The following COL24A1 variants were observed in gnomAD, a reference collection of about 807,000 sequenced individuals.
The protein encoded by COL24A1 is collagen type XXIV alpha 1 chain, also known as collagen alpha-1(XXIV) chain.
In COL24A1, 224 loss-of-function variants were observed where a neutral mutation model predicts 253.9. That is an observed-to-expected ratio of 0.88 (90% CI 0.79 to 0.99). The LOEUF (loss-of-function observed/expected upper bound fraction) is 0.99. Among genes scored for constraint, COL24A1 ranks in the 50% least tolerant of loss-of-function variants. The pLI, the probability that COL24A1 is intolerant of heterozygous loss-of-function variation, is 0.00. For synonymous variants in COL24A1, 685 were observed against 673.7 expected (o/e 1.02, Z -0.26); for missense variants, 2,131 against 2,068.5 (o/e 1.03, Z -0.59).
chr1:86,101,243 A>G (rs1253996813), intron 5 of COL24A1, among the ~76,000 whole-genome samples: 2 of 152,236 alleles, frequency 1.3e-5, no homozygotes, highest in East Asian at 1.9e-4. Context: ...AAGATGATCA[A>G]TGACTTTGTT....
chr1:85,852,102 T>TTG (rs1457066851), intron 37 of COL24A1, among the ~76,000 whole-genome samples: 1 of 152,112 alleles, frequency 6.6e-6, no homozygotes, highest in Non-Finnish European at 1.5e-5. Context: ...GGGTGTGTGT[T>TTG]TGTGTGTGTG....
chr1:85,988,205 A>C (rs577572956), intron 19 of COL24A1, among the ~76,000 whole-genome samples: 2 of 151,918 alleles, frequency 1.3e-5, no homozygotes, highest in Non-Finnish European at 2.9e-5. Context: ...TTAATTGTCT[A>C]TAAATACTTA....
intron 3 of COL24A1, among the ~76,000 whole-genome samples, chr1:86,115,626 T>C (rs1473986786): frequency 1.3e-5 from 2 of 152,232 alleles, no homozygotes; most frequent in Non-Finnish European, 2.9e-5. Flanking sequence ...CCACCGTATC[T>C]GGTTTTTAAA....
intron 45 of COL24A1, among the ~76,000 whole-genome samples, chr1:85,819,101 T>C (rs6698633): frequency 0.33 from 50,517 of 152,066 alleles, 9,665 homozygotes; most frequent in Non-Finnish European, 0.44. Flanking sequence ...TCATGGGTTG[T>C]ACTTCCAACT....
intron 28 of COL24A1, among the ~76,000 whole-genome samples, chr1:85,898,593 G>A (rs1019798286): frequency 7.9e-5 from 12 of 152,202 alleles, no homozygotes; most frequent in African/African-American, 2.9e-4. Flanking sequence ...AGATCAAGTT[G>A]AGGAGCATGG....
chr1:85,820,141 C>A (rs987066163), intron 45 of COL24A1, among the ~76,000 whole-genome samples: 2 of 152,248 alleles, frequency 1.3e-5, no homozygotes, highest in East Asian at 1.9e-4. Context: ...AGCCACCATG[C>A]CTGGCCTGCC....
At chr1:86,006,930 G>T (rs1394350825) in intron 19 of COL24A1, among the ~76,000 whole-genome samples, 1 of 152,076 alleles carries the variant, frequency 6.6e-6, no homozygotes, top group East Asian at 1.9e-4. Context: ...CAACAATGTG[G>T]GCTGGTTCTG....
At chr1:85,934,873 G>A (rs1688118788) in intron 24 of COL24A1, among the ~76,000 whole-genome samples, 1 of 151,900 alleles carries the variant, frequency 6.6e-6, no homozygotes. Context: ...CTGAGCCATA[G>A]CCAGAATTAT....
At chr1:85,837,247 T>G (rs1390952891) in intron 43 of COL24A1, among the ~76,000 whole-genome samples, 2 of 152,196 alleles carry the variant, frequency 1.3e-5, no homozygotes, top group Non-Finnish European at 2.9e-5. Flanking sequence ...GCTAAAAATG[T>G]TTCTTTGAAA....
At chr1:85,889,650 T>C (rs775173070) in intron 31 of COL24A1, 37 bp from the exon 32 acceptor site, 3 of 1,575,278 alleles carry the variant, frequency 1.9e-6, no homozygotes, top group Non-Finnish European at 2.6e-6. Context: ...GGAAAAGTGG[T>C]GTGTGAAGAT....
chr1:85,914,582 G>C (rs541338686), intron 24 of COL24A1, among the ~76,000 whole-genome samples: 73 of 151,846 alleles, frequency 4.8e-4, no homozygotes, highest in African/African-American at 1.7e-3. Context: ...GTAGAGACAG[G>C]GTTTCACCAT....
At chr1:85,781,296 G>T in intron 51 of COL24A1, 23 bp from the exon 52 acceptor site, 1 of 1,546,838 alleles carries the variant, frequency 6.5e-7, no homozygotes. Flanking sequence ...AAGAAAAACA[G>T]TCTCACTGTT....
intron 20 of COL24A1, among the ~76,000 whole-genome samples, chr1:85,979,485 A>G (rs1571453852): frequency 6.6e-6 from 1 of 152,214 alleles, no homozygotes; most frequent in East Asian, 1.9e-4. Context: ...TAAGTTCAAT[A>G]GAAACGAAAT....
intron 8 of COL24A1, among the ~76,000 whole-genome samples, chr1:86,060,546 T>A (rs938451008): frequency 6.6e-6 from 1 of 152,152 alleles, no homozygotes; most frequent in Non-Finnish European, 1.5e-5. Flanking sequence ...AGGATAATAG[T>A]TGAGTTTCTT....
At chr1:86,068,296 T>C (rs1701636913) in intron 7 of COL24A1, among the ~76,000 whole-genome samples, 1 of 152,038 alleles carries the variant, frequency 6.6e-6, no homozygotes, top group Non-Finnish European at 1.5e-5. Flanking sequence ...ATGCCACCCC[T>C]CCCCCATCTC....
intron 11 of COL24A1, among the ~76,000 whole-genome samples, chr1:86,048,591 T>C (rs1429913664): frequency 6.6e-6 from 1 of 151,750 alleles, no homozygotes; most frequent in East Asian, 1.9e-4. Flanking sequence ...CCCAGGCTCA[T>C]GCCATTCTCC....
intron 31 of COL24A1, among the ~76,000 whole-genome samples, chr1:85,893,465 G>A (rs1190617671): frequency 6.6e-6 from 1 of 151,996 alleles, no homozygotes; most frequent in African/African-American, 2.4e-5. Flanking sequence ...CAAACTGATA[G>A]ACTATCTAGA....
At chr1:85,785,155 T>C (rs946034825) in intron 48 of COL24A1, among the ~76,000 whole-genome samples, 1 of 152,198 alleles carries the variant, frequency 6.6e-6, no homozygotes. Flanking sequence ...TAGCCATGAT[T>C]ATCTTTTTAA....
intron 5 of COL24A1, among the ~76,000 whole-genome samples, chr1:86,096,296 A>C (rs761526059): frequency 6.6e-6 from 1 of 152,174 alleles, no homozygotes; most frequent in South Asian, 2.1e-4. Flanking sequence ...GAATCTAAAA[A>C]TTCAGAGTAG....
Sources: allele counts gnomAD v4.1 joint callset (sites outside exome capture counted in the v4.1 genomes callset), GRCh38; gene constraint gnomAD v4.1.1; transcripts MANE v1.5; gene names NCBI Gene and HGNC (gene_info 2026-07-23, HGNC 2026-07-21).